The following SIPA1L1 variants were observed in gnomAD, a reference collection of about 807,000 sequenced individuals.
The protein encoded by SIPA1L1 is signal-induced proliferation-associated 1-like protein 1.
SIPA1L1 carries 26 observed loss-of-function variants against 162.7 expected under a neutral mutation model. The ratio of observed to expected loss-of-function variants is 0.16; its 90% CI spans 0.12 to 0.22. The LOEUF (loss-of-function observed/expected upper bound fraction) is 0.22, where lower values mean the gene tolerates loss of function less well. Among genes scored for constraint, SIPA1L1 ranks in the 10% least tolerant of loss-of-function variants. The pLI is 1.00. For missense variants in SIPA1L1, 1,874 were observed against 2,241.0 expected (o/e 0.84, Z 3.31); for synonymous variants, 829 against 837.4 (o/e 0.99, Z 0.17).
At chr14:71,590,311 A>G (rs2035223979) in intron 5 of SIPA1L1, among the ~76,000 whole-genome samples, 1 of 151,984 alleles carries the variant, frequency 6.6e-6, no homozygotes, top group Admixed American at 6.6e-5. Context: ...TCTGTGTTCC[A>G]TTAGCTAGAT....
chr14:71,528,770 C>G (rs1043851059), intron 3 of SIPA1L1: 2 of 152,086 alleles, frequency 1.3e-5, no homozygotes, highest in Non-Finnish European at 2.9e-5. Context: ...TTGTTATGGT[C>G]AGCTCTACAA....
chr14:71,629,838 A>T (rs1278850156), intron 7 of SIPA1L1, among the ~76,000 whole-genome samples: 1 of 152,252 alleles, frequency 6.6e-6, no homozygotes, highest in Non-Finnish European at 1.5e-5. Context: ...CTCTGCAATA[A>T]ATATCTCAAG....
intron 4 of SIPA1L1, among the ~76,000 whole-genome samples, chr14:71,585,735 TTGAA>T (rs2034511521): frequency 6.6e-6 from 1 of 152,232 alleles, no homozygotes; most frequent in Admixed American, 6.5e-5. Flanking sequence ...GTGAGAAATG[TTGAA>T]AGCATCTAAT....
In SIPA1L1 at chr14:71,723,751, C is replaced by CCTT. The variant is rs768873565; in HGVS notation, c.4316_4318dup (p.Phe1439dup). ...GCTGCCCCCTCACAGCTCGCACCAT[C>CCTT]CTTCTCCTCCTCTTCCTCCTCCTCC... On this transcript the variant is annotated inframe_insertion, in exon 18 of 24. Transcript: ENST00000381232. 6.2e-7 allele frequency: 1 copy of CCTT among 1,614,250 alleles called. No homozygotes were observed. The highest frequency in any genetic ancestry group is 1.1e-5 in the South Asian group (1 of 91,086).
chr14:71,685,164 A>C (rs117206006), intron 12 of SIPA1L1, among the ~76,000 whole-genome samples, 198 bp from the exon 13 acceptor site: 28 of 152,184 alleles, frequency 1.8e-4, no homozygotes, highest in African/African-American at 6.8e-4. Flanking sequence ...TGAGTAAAGG[A>C]AAATACTATT....
intron 2 of SIPA1L1, among the ~76,000 whole-genome samples, chr14:71,476,875 T>C (rs1324589596): frequency 6.6e-6 from 1 of 151,334 alleles, no homozygotes; most frequent in Non-Finnish European, 1.5e-5. Context: ...GAGAGACGGG[T>C]TTTCACCGTG....
chr14:71,571,937 C>G (rs1286029667), intron 4 of SIPA1L1, among the ~76,000 whole-genome samples: 1 of 151,958 alleles, frequency 6.6e-6, no homozygotes, highest in African/African-American at 2.4e-5. Context: ...CAGGCGTGAG[C>G]CACCGTGCCT....
chr14:71,413,633 A>G (rs1283217323), intron 2 of SIPA1L1, among the ~76,000 whole-genome samples: 1 of 152,154 alleles, frequency 6.6e-6, no homozygotes, highest in Non-Finnish European at 1.5e-5. Flanking sequence ...GCTACTCAGG[A>G]GGCTGAGGCA....
chr14:71,354,290 T>C (rs1300917333), intron 2 of SIPA1L1, among the ~76,000 whole-genome samples: 1 of 151,678 alleles, frequency 6.6e-6, no homozygotes, highest in East Asian at 1.9e-4. Flanking sequence ...TCTTTTTTTT[T>C]TTTTTTTGAG....
intron 13 of SIPA1L1, among the ~76,000 whole-genome samples, chr14:71,687,117 A>G (rs914220497): frequency 4.6e-5 from 7 of 152,264 alleles, no homozygotes; most frequent in African/African-American, 7.2e-5. Context: ...AAAAACAGAC[A>G]AACAATTTAA....
In SIPA1L1 at chr14:71,671,901, C is replaced by CTGTGTG. The variant is rs34919280; in HGVS notation, c.2829+246_2829+251dup. 8.1e-3 allele frequency among the ~76,000 whole-genome samples: 1,150 copies of CTGTGTG among 142,682 alleles called. 8 individuals carry two copies. Among genetic ancestry groups the CTGTGTG allele is most frequent in the Middle Eastern group, 0.045 (13 of 292 alleles). 93.6% of individuals were successfully genotyped at this position (142,682 alleles called of 152,430 possible). The stretch of plus-strand genomic sequence containing the variant: ...ACAAATTGGGGAAGACACATTTACT[C>CTGTGTG]TGTGTGTGTGTGTGTGTGTGTGTGT... On this transcript the variant is annotated intron_variant, in intron 11 of 23. Coordinates refer to ENST00000381232, the MANE Select transcript of SIPA1L1 (RefSeq NM_001386936.1).
chr14:71,475,515 G>A (rs1280389782), intron 2 of SIPA1L1, among the ~76,000 whole-genome samples: 1 of 152,066 alleles, frequency 6.6e-6, no homozygotes, highest in Non-Finnish European at 1.5e-5. Context: ...ACAAGTCACT[G>A]TCATAATTTT....
intron 2 of SIPA1L1, among the ~76,000 whole-genome samples, chr14:71,353,885 C>T (rs1395071979): frequency 6.6e-6 from 1 of 151,794 alleles, no homozygotes; most frequent in Non-Finnish European, 1.5e-5. Flanking sequence ...TGGAGTAGTG[C>T]CAGCCATCTG....
At chr14:71,439,650 T>C (rs1440984692) in intron 2 of SIPA1L1, among the ~76,000 whole-genome samples, 1 of 152,270 alleles carries the variant, frequency 6.6e-6, no homozygotes, top group East Asian at 1.9e-4. Context: ...TTATAAAATT[T>C]GGTAGCACAG....
At chr14:71,642,070 A>T (rs1310311283) in intron 7 of SIPA1L1, among the ~76,000 whole-genome samples, 1 of 152,208 alleles carries the variant, frequency 6.6e-6, no homozygotes, top group East Asian at 1.9e-4. Context: ...TCTTGCTAAG[A>T]TTAAGTAAGA....
intron 2 of SIPA1L1, among the ~76,000 whole-genome samples, chr14:71,351,381 A>T (rs1165258747): frequency 6.6e-6 from 1 of 152,214 alleles, no homozygotes; most frequent in Non-Finnish European, 1.5e-5. Context: ...TTTAGGACTC[A>T]ACACTAAAGG....
At chr14:71,630,566 T>C (rs928639730) in intron 7 of SIPA1L1, among the ~76,000 whole-genome samples, 7 of 152,182 alleles carry the variant, frequency 4.6e-5, no homozygotes, top group African/African-American at 1.7e-4. Context: ...GAATTGTGGA[T>C]TGTGTTTTAA....
At chr14:71,346,751 G>T (rs181654766) in intron 2 of SIPA1L1, among the ~76,000 whole-genome samples, 12 of 152,246 alleles carry the variant, frequency 7.9e-5, no homozygotes, top group Admixed American at 6.5e-4. Flanking sequence ...CAATTTAGTG[G>T]CTTTTAATGT....
At chr14:71,689,853 C>G (rs924253429) in intron 13 of SIPA1L1, among the ~76,000 whole-genome samples, 3 of 152,144 alleles carry the variant, frequency 2.0e-5, no homozygotes, top group Non-Finnish European at 4.4e-5. Context: ...TCCCTCCTTC[C>G]TTACAGACAC....
Sources: allele counts gnomAD v4.1 joint callset (sites outside exome capture counted in the v4.1 genomes callset), GRCh38; gene constraint gnomAD v4.1.1; transcripts MANE v1.5; gene names NCBI Gene and HGNC (gene_info 2026-07-23, HGNC 2026-07-21).